Variants in TCN2 observed in about 807,000 individuals in gnomAD.
TCN2 encodes transcobalamin 2, also known as transcobalamin-2.
TCN2 carries 34 observed loss-of-function variants against 48.6 expected under a neutral mutation model. The observed-to-expected ratio is 0.70, with a 90% CI of 0.53 to 0.93. The LOEUF (loss-of-function observed/expected upper bound fraction) is 0.93, where lower values mean the gene tolerates loss of function less well. TCN2 is among the 40% of genes least tolerant of loss of function. The pLI, the probability that TCN2 is intolerant of heterozygous loss-of-function variation, is 0.00. For missense variants in TCN2, 652 were observed against 526.1 expected (o/e 1.24, Z -2.34); for synonymous variants, 283 against 212.5 (o/e 1.33, Z -2.89).
intron 7 of TCN2, 133 bp from the exon 8 acceptor site, chr22:30,622,835 T>C: frequency 2.3e-6 from 2 of 866,052 alleles, no homozygotes; most frequent in Non-Finnish European, 3.8e-6. Flanking sequence ...TGTGGCCAGG[T>C]GGCCTGGGAA....
Position 30,626,863 on chromosome 22 carries a change from A to G in TCN2, c.*342A>G, listed in dbSNP as rs1470551118. 7.2e-6 allele frequency: 3 copies of G among 416,832 alleles called. No individual in the cohort carries two copies. Among genetic ancestry groups the G allele is most frequent in the Non-Finnish European group, 1.4e-5 (3 of 220,902 alleles). The allele number at this position is 416,832 out of a possible 1,614,324, so 25.8% of individuals were successfully genotyped here. On this transcript the variant is annotated 3_prime_UTR_variant, in exon 9 of 9. Transcript: ENST00000215838. Reference sequence around the variant, plus strand: ...AGTCCGCAGGCCGCAGGTGTTGTGAAGACCACTCGTTCTGTGGTTGGGGTC... The same window carrying G: ...AGTCCGCAGGCCGCAGGTGTTGTGAGGACCACTCGTTCTGTGGTTGGGGTC...
chr22:30,613,010 A>C lies in TCN2; in HGVS notation c.395A>C (p.Lys132Thr). ...HKGDRLVSQL[K>T]WFLEDEKRAI... ...GGGGACAGGCTGGTCTCACAGCTCAAATGGTTCCTGGAGGATGAGAAGAGA... is the reference window on the plus strand; with the variant it reads ...GGGGACAGGCTGGTCTCACAGCTCACATGGTTCCTGGAGGATGAGAAGAGA... Residue 132 changes from lysine to threonine, a missense_variant, in exon 3 of 9, where the codon AAA (lysine) becomes ACA (threonine). By Grantham distance (78) the Lys-to-Thr change is moderately conservative (BLOSUM62 -1). Coordinates refer to ENST00000215838, the MANE Select transcript of TCN2 (RefSeq NM_000355.4). 1 of 1,614,030 alleles carries C rather than the reference A, an allele frequency of 6.2e-7. No homozygotes were observed. The highest frequency in any genetic ancestry group is 8.5e-7 in the Non-Finnish European group (1 of 1,179,994).
At chr22:30,623,781 T>TACACAC (rs1555896197) in intron 8 of TCN2, among the ~76,000 whole-genome samples, 3 of 10,162 alleles carry the variant, frequency 3.0e-4, no homozygotes, top group African/African-American at 2.5e-3. Flanking sequence ...CACACATATA[T>TACACAC]ATGTATACAT....
chr22:30,614,449 G>A lies in TCN2; in HGVS notation c.528G>A (p.Val176=), dbSNP rs768148880. 4 of 1,614,132 alleles carry A rather than the reference G, an allele frequency of 2.5e-6. No homozygotes were observed. The highest frequency in any genetic ancestry group is 2.2e-5 in the East Asian group (1 of 44,876). Residue 176 remains valine, a synonymous_variant, in exon 4 of 9, where the codon GTG becomes GTA. Coordinates refer to ENST00000215838, the MANE Select transcript of TCN2 (RefSeq NM_000355.4). ...AGAAGCGGGTCCATGACAGCGTGGT[G>A]GACAAACTTCTGTATGCTGTGGAAC... The part of the protein sequence containing the change: ...LHQKRVHDSV[V]DKLLYAVEPF...
intron 1 of TCN2, among the ~76,000 whole-genome samples, chr22:30,609,769 T>A (rs977480597): frequency 2.0e-5 from 3 of 152,180 alleles, no homozygotes; most frequent in African/African-American, 7.2e-5. Flanking sequence ...AAACCAGCCA[T>A]GTGCTTTGGT....
intron 8 of TCN2, 154 bp downstream of exon 8, chr22:30,623,237 T>A: frequency 1.6e-6 from 1 of 638,478 alleles, no homozygotes; most frequent in Non-Finnish European, 2.7e-6. Context: ...TATATTGAAC[T>A]GAAGCCTTAG....
intron 7 of TCN2, 149 bp from the exon 8 acceptor site, chr22:30,622,819 C>CA (rs2087718352): frequency 2.6e-5 from 20 of 781,978 alleles, no homozygotes; most frequent in Non-Finnish European, 4.2e-5. Context: ...GTTGAGATCA[C>CA]AGACCTGTGG....
chr22:30,608,749 C>T (rs943064491), intron 1 of TCN2, among the ~76,000 whole-genome samples: 4 of 152,100 alleles, frequency 2.6e-5, no homozygotes, highest in African/African-American at 9.7e-5. Flanking sequence ...AGGTCTGGGC[C>T]CAGGAACCCC....
Position 30,609,398 on chromosome 22 carries a change from G to A in TCN2, c.65-1473G>A, listed in dbSNP as rs369850218. On this transcript the variant is annotated intron_variant, in intron 1 of 8. Transcript: ENST00000215838. ...CCCAAGGCTGCTTTTATTACCCTGC[G>A]TGAATCTGCCTGGCCCCTTCCTTCT... Among the ~76,000 whole-genome samples the A allele has an allele frequency of 2.6e-5, 4 of 152,250 alleles. No individual in the cohort carries two copies. The East Asian group carries it at 7.7e-4, about 29-fold the overall frequency.
At chr22:30,626,318 T>C in intron 8 of TCN2, 142 bp from the exon 9 acceptor site, 3 of 836,644 alleles carry the variant, frequency 3.6e-6, no homozygotes, top group South Asian at 1.4e-5. Context: ...GAGCAGGCTT[T>C]AGGGAGGTTC....
At chr22:30,624,476 A>C (rs2087773356) in intron 8 of TCN2, among the ~76,000 whole-genome samples, 1 of 152,174 alleles carries the variant, frequency 6.6e-6, no homozygotes, top group Admixed American at 6.5e-5. Flanking sequence ...CCATGTGTCA[A>C]GCATTGTGGC....
intron 8 of TCN2, among the ~76,000 whole-genome samples, chr22:30,623,912 A>G (rs536578223): frequency 2.2e-5 from 2 of 92,152 alleles, no homozygotes; most frequent in Admixed American, 2.6e-4. Flanking sequence ...ACATATATAT[A>G]CACACATATA....
chr22:30,618,016 C>G (rs948311118), intron 7 of TCN2, among the ~76,000 whole-genome samples: 2 of 152,062 alleles, frequency 1.3e-5, no homozygotes, highest in Non-Finnish European at 2.9e-5. Flanking sequence ...TCACGTCTCA[C>G]TGCAGTCTCG....
At chr22:30,614,309 G>C (rs766248769) in intron 3 of TCN2, 40 bp from the exon 4 acceptor site, 1 of 1,604,446 alleles carries the variant, frequency 6.2e-7, no homozygotes, top group Non-Finnish European at 8.5e-7. Context: ...GCTGCTGGGT[G>C]GGGGCAGAGA....
intron 7 of TCN2, 148 bp downstream of exon 7, chr22:30,617,643 C>A: frequency 9.2e-7 from 1 of 1,085,170 alleles, no homozygotes; most frequent in South Asian, 1.4e-5. Context: ...TCCTTTCTTG[C>A]CCACGGTGTT....
rs1042954108 is a variant in TCN2 at position 30,615,451 on chromosome 22, A to C, written c.731A>C (p.Tyr244Ser). Residue 244 changes from tyrosine (Y) to serine (S), a missense_variant, in exon 5 of 9, where the codon TAC becomes TCC. Transcript: ENST00000215838. The part of the protein sequence containing the change: ...QTPEGHFGNV[Y>S]STPLALQFLM... The stretch of plus-strand genomic sequence containing the variant: ...CCCGAGGGCCACTTTGGGAATGTCT[A>C]CAGCACCCCATTGGCATTACAGGTG... The C allele has an allele frequency of 6.2e-7, 1 of 1,614,174 alleles. No homozygotes were observed. Among genetic ancestry groups the C allele is most frequent in the African/African-American group, 1.3e-5 (1 of 75,036 alleles).
intron 7 of TCN2, among the ~76,000 whole-genome samples, chr22:30,619,733 C>T (rs58963750): frequency 0.1 from 15,721 of 152,198 alleles, 906 homozygotes; most frequent in Admixed American, 0.15. Context: ...TTCGGGTCCT[C>T]TAGGCTAGAG....
rs560130628 is a variant in TCN2 at position 30,626,936 on chromosome 22, T to G, written c.*415T>G. On this transcript the variant is annotated 3_prime_UTR_variant, in exon 9 of 9. Coordinates refer to ENST00000215838, the MANE Select transcript of TCN2 (RefSeq NM_000355.4). ...CGGGGGCTATGGCCCTGACCCCAGC[T>G]CTCCACTCTGCTGTTAGAGTGGCAG... 3 of 301,456 alleles carry G rather than the reference T, an allele frequency of 1.0e-5. No homozygotes were observed. The highest frequency in any genetic ancestry group is 3.4e-5 in the South Asian group (1 of 29,448). The allele number at this position is 301,456 out of a possible 1,614,324, so 18.7% of individuals were successfully genotyped here. A position where few individuals can be genotyped will look rare whatever the true frequency, so the allele number is the denominator to read the frequency against.
chr22:30,616,366 C>T (rs771299846), intron 6 of TCN2, among the ~76,000 whole-genome samples: 2 of 151,696 alleles, frequency 1.3e-5, no homozygotes. Context: ...GCCTGTAACC[C>T]CAGCTAAGCT....
Sources: allele counts gnomAD v4.1 joint callset (sites outside exome capture counted in the v4.1 genomes callset), GRCh38; gene constraint gnomAD v4.1.1; transcripts MANE v1.5; gene names NCBI Gene and HGNC (gene_info 2026-07-23, HGNC 2026-07-21).